KIF6: variants seen among roughly 807,000 people sequenced by gnomAD.
KIF6 encodes kinesin family member 6, also known as kinesin-like protein KIF6.
A neutral mutation model predicts 112.7 loss-of-function variants in KIF6; 106 were observed. The observed-to-expected ratio is 0.94, with a 90% confidence interval of 0.80 to 1.11. KIF6 has a LOEUF of 1.11. Ranked by LOEUF, KIF6 falls within the 50% of genes least tolerant of loss-of-function variation. The probability of loss-of-function intolerance (pLI) is 0.00; values close to 1 mark genes in which losing one functional copy is unlikely to be tolerated. For synonymous variants in KIF6, 339 were observed against 339.9 expected (o/e 1.00, Z 0.03); for missense variants, 929 against 964.0 (o/e 0.96, Z 0.48).
chr6:39,561,296 TA>T (rs202184855), intron 10 of KIF6, among the ~76,000 whole-genome samples: 3,324 of 152,242 alleles, frequency 0.022, 60 homozygotes, highest in Non-Finnish European at 0.032. Flanking sequence ...GTTTAAGTCA[TA>T]AAGTGTTTTT....
intron 18 of KIF6, among the ~76,000 whole-genome samples, chr6:39,359,414 A>T (rs550079572): frequency 6.6e-6 from 1 of 152,308 alleles, no homozygotes; most frequent in Non-Finnish European, 1.5e-5. Flanking sequence ...TGAGTAAAAA[A>T]CTAGAAACAA....
At chr6:39,438,994 G>A (rs1771742772) in intron 13 of KIF6, among the ~76,000 whole-genome samples, 1 of 152,224 alleles carries the variant, frequency 6.6e-6, no homozygotes, top group Non-Finnish European at 1.5e-5. Context: ...GTTTGTAGCT[G>A]AGGAGCATTA....
At chr6:39,483,768 G>A (rs76582543) in intron 13 of KIF6, among the ~76,000 whole-genome samples, 4,274 of 152,238 alleles carry the variant, frequency 0.028, 202 homozygotes, top group African/African-American at 0.097. Context: ...AAGAGAAAAG[G>A]GAAATGGAAG....
intron 5 of KIF6, among the ~76,000 whole-genome samples, chr6:39,624,825 C>T (rs182427368): frequency 1.0e-3 from 157 of 152,302 alleles, no homozygotes; most frequent in African/African-American, 3.2e-3. Flanking sequence ...CATCCTTCCA[C>T]GCATCACTTA....
At chr6:39,681,946 T>C (rs1175555321) in intron 3 of KIF6, among the ~76,000 whole-genome samples, 1 of 139,302 alleles carries the variant, frequency 7.2e-6, no homozygotes, top group Non-Finnish European at 1.5e-5. Flanking sequence ...AAATTCACCA[T>C]TTTTTTCTTT....
Position 39,420,047 on chromosome 6 carries a change from T to A in KIF6, c.1755-44A>T, listed in dbSNP as rs200315397. 5.5e-5 allele frequency: 74 copies of A among 1,345,088 alleles called. No individual in the cohort carries two copies. The Admixed American group carries it at 1.2e-3, about 23-fold the overall frequency. 83.3% of individuals were successfully genotyped at this position (1,345,088 alleles called of 1,614,324 possible). On this transcript the variant is annotated intron_variant, in intron 14 of 22. Coordinates refer to ENST00000287152, the MANE Select transcript of KIF6 (RefSeq NM_145027.6). ...AAAATTGTAGTTTTTCTGTTCATCC[T>A]ACAAGATGTTTTAAAAATAATAGAT...
At chr6:39,574,773 C>T (rs1272467574) in intron 10 of KIF6, among the ~76,000 whole-genome samples, 7 of 152,180 alleles carry the variant, frequency 4.6e-5, no homozygotes, top group Non-Finnish European at 1.0e-4. Context: ...AACACCTATT[C>T]ATCAGATATT....
intron 5 of KIF6, chr6:39,617,833 T>C: frequency 6.9e-6 from 3 of 436,482 alleles, no homozygotes. Context: ...ACCAGGCTCT[T>C]CTAAATAACT....
At chr6:39,590,139 T>C (rs1781853587) in intron 7 of KIF6, among the ~76,000 whole-genome samples, 1 of 152,100 alleles carries the variant, frequency 6.6e-6, no homozygotes, top group African/African-American at 2.4e-5. Flanking sequence ...CTCTAGCCTC[T>C]AAGAACAAAG....
At chr6:39,498,736 T>A (rs547620187) in intron 13 of KIF6, among the ~76,000 whole-genome samples, 5 of 152,164 alleles carry the variant, frequency 3.3e-5, no homozygotes, top group East Asian at 1.9e-4. Context: ...TAAATATTTT[T>A]AAATAAAATT....
chr6:39,652,218 A>C (rs1395131459), intron 3 of KIF6, among the ~76,000 whole-genome samples: 1 of 152,192 alleles, frequency 6.6e-6, no homozygotes, highest in Non-Finnish European at 1.5e-5. Flanking sequence ...TGAACAATAC[A>C]GTCTCAATAA....
intron 12 of KIF6, among the ~76,000 whole-genome samples, chr6:39,541,646 C>T (rs892892859): frequency 6.6e-6 from 1 of 152,214 alleles, no homozygotes; most frequent in Admixed American, 6.5e-5. Flanking sequence ...TGGGGAAAGA[C>T]GTCTCACACA....
chr6:39,357,926 C>G (rs1167518748), intron 18 of KIF6, among the ~76,000 whole-genome samples: 6 of 152,176 alleles, frequency 3.9e-5, no homozygotes, highest in Non-Finnish European at 7.3e-5. Context: ...CTGTGCTTTC[C>G]AAGTTTTCCA....
intron 9 of KIF6, among the ~76,000 whole-genome samples, 170 bp from the exon 10 acceptor site, chr6:39,578,329 A>ATTTTT (rs35778593): frequency 9.6e-5 from 12 of 125,198 alleles, no homozygotes; most frequent in African/African-American, 2.5e-4. Flanking sequence ...ATAGTTCTAG[A>ATTTTT]TTTTTTTTTT....
chr6:39,531,616 G>C (rs1441249201), intron 13 of KIF6, among the ~76,000 whole-genome samples: 1 of 152,064 alleles, frequency 6.6e-6, no homozygotes, highest in African/African-American at 2.4e-5. Context: ...GCTCTCTATA[G>C]CCAACAATGT....
rs368593371 is a variant in KIF6, at chr6:39,552,145, C to T, written c.1182-6457G>A. 3.9e-5 allele frequency among the ~76,000 whole-genome samples: 6 copies of T among 152,106 alleles called. No homozygotes were observed. The East Asian group carries it at 9.6e-4, about 24-fold the overall frequency. ...AGAATACATACACATCTTTTCAGTT[C>T]GGAACACCAAACAAAGATGTAACTG... On this transcript the variant is annotated intron_variant, in intron 10 of 22. Transcript: ENST00000287152.
rs970139349 is a variant in KIF6, at chr6:39,416,246, T to A, written c.1810+3702A>T. ...AACAGTGATGATGTAAAAAAACTAA[T>A]GCCTGGATTCTAGTAAGCAAAACCA... On this transcript the variant is annotated intron_variant, in intron 15 of 22. Coordinates refer to ENST00000287152, the MANE Select transcript of KIF6 (RefSeq NM_145027.6). Among the ~76,000 whole-genome samples the A allele has an allele frequency of 3.3e-5, 5 of 152,252 alleles. No homozygotes were observed. In the East Asian group the frequency reaches 9.6e-4, roughly 29 times the overall value.
At chr6:39,606,509 G>C (rs1283029533) in intron 6 of KIF6, among the ~76,000 whole-genome samples, 1 of 152,122 alleles carries the variant, frequency 6.6e-6, no homozygotes, top group Non-Finnish European at 1.5e-5. Context: ...GAGTAGCCTA[G>C]AGGATAGGTG....
At chr6:39,389,199 A>AT (rs1767664748) in intron 15 of KIF6, among the ~76,000 whole-genome samples, 1 of 152,064 alleles carries the variant, frequency 6.6e-6, no homozygotes, top group Non-Finnish European at 1.5e-5. Context: ...AGTGAAACTG[A>AT]TTTTTTTACA....
Sources: allele counts gnomAD v4.1 joint callset (sites outside exome capture counted in the v4.1 genomes callset), GRCh38; gene constraint gnomAD v4.1.1; transcripts MANE v1.5; gene names NCBI Gene and HGNC (gene_info 2026-07-23, HGNC 2026-07-21).